Variants in LAMA3 observed in about 807,000 individuals in gnomAD.
LAMA3 encodes the protein laminin subunit alpha 3.
A neutral mutation model predicts 402.0 loss-of-function variants in LAMA3; 281 were observed. That is an observed-to-expected ratio of 0.70 (90% CI 0.63 to 0.77). The LOEUF is 0.77. Among genes scored for constraint, LAMA3 ranks in the 30% least tolerant of loss-of-function variants. The pLI is 0.00. For missense variants in LAMA3, 3,840 were observed against 4,215.5 expected (o/e 0.91, Z 2.47); for synonymous variants, 1,431 against 1,558.4 (o/e 0.92, Z 1.93).
At chr18:23,876,493 A>G (rs908112525) in intron 39 of LAMA3, 86 bp downstream of exon 39, 89 of 863,938 alleles carry the variant, frequency 1.0e-4, no homozygotes, top group Non-Finnish European at 1.6e-4. Context: ...CATCAACATT[A>G]CATCTCCCGC....
chr18:23,757,878 G>T (rs2061883609), intron 6 of LAMA3, among the ~76,000 whole-genome samples: 1 of 152,228 alleles, frequency 6.6e-6, no homozygotes, highest in Non-Finnish European at 1.5e-5. Context: ...GATGGAGCTG[G>T]CGCAGCCTCT....
chr18:23,949,966 G>C lies in LAMA3; in HGVS notation c.9511+42G>C, dbSNP rs199539396. On this transcript the variant is annotated intron_variant, in intron 71 of 74. Transcript: ENST00000313654. ...TAGAATTTAAGTCTTTGCATCTTAA[G>C]AACTGTATCCTGTTTTCTTTCATGG... The C allele has an allele frequency of 4.5e-5, 73 of 1,614,044 alleles. No individual in the cohort carries two copies. In the East Asian group the frequency reaches 1.6e-3, roughly 35 times the overall value.
At chr18:23,940,795 T>G (rs918516381) in intron 68 of LAMA3, among the ~76,000 whole-genome samples, 1 of 152,002 alleles carries the variant, frequency 6.6e-6, no homozygotes, top group East Asian at 1.9e-4. Context: ...AAAACTGTGC[T>G]AGTAGAAGCT....
At chr18:23,816,556 C>CTACAA (rs1204044975) in intron 18 of LAMA3, 69 bp downstream of exon 18, 10 of 1,277,060 alleles carry the variant, frequency 7.8e-6, no homozygotes, top group African/African-American at 2.9e-5. Flanking sequence ...CCTGCCTGTG[C>CTACAA]TACAGCTCTG....
chr18:23,892,160 A>G (rs2080692755), intron 42 of LAMA3, among the ~76,000 whole-genome samples: 1 of 152,222 alleles, frequency 6.6e-6, no homozygotes, highest in African/African-American at 2.4e-5. Context: ...AGATTGCTTT[A>G]AAAGGAGGCA....
At chr18:23,806,298 GCTGT>G (rs1284871208) in intron 12 of LAMA3, among the ~76,000 whole-genome samples, 1 of 152,206 alleles carries the variant, frequency 6.6e-6, no homozygotes, top group African/African-American at 2.4e-5. Context: ...TCCTCAAATT[GCTGT>G]CTGTCTGTTT....
At chr18:23,820,069 C>T in intron 19 of LAMA3, 72 bp downstream of exon 19, 1 of 1,442,802 alleles carries the variant, frequency 6.9e-7, no homozygotes, top group Non-Finnish European at 9.7e-7. Context: ...CTCAGGGAGC[C>T]CCCTGAAAGG....
At chr18:23,706,496 T>C (rs1380833394) in intron 1 of LAMA3, among the ~76,000 whole-genome samples, 2 of 152,232 alleles carry the variant, frequency 1.3e-5, no homozygotes, top group Admixed American at 6.5e-5. Flanking sequence ...ACTGAATACG[T>C]ATAAAATAAT....
intron 67 of LAMA3, among the ~76,000 whole-genome samples, chr18:23,934,443 G>T (rs1393395832): frequency 6.6e-6 from 1 of 152,146 alleles, no homozygotes; most frequent in African/African-American, 2.4e-5. Flanking sequence ...TCAGTAGTTT[G>T]TGAAGCTCCC....
chr18:23,704,901 T>A (rs1003967543), intron 1 of LAMA3, among the ~76,000 whole-genome samples: 4 of 152,200 alleles, frequency 2.6e-5, no homozygotes, highest in African/African-American at 9.7e-5. Context: ...TAGGAGAGAC[T>A]ACTTTTTTCC....
chr18:23,703,640 A>C (rs1232528823), intron 1 of LAMA3, among the ~76,000 whole-genome samples: 2 of 152,078 alleles, frequency 1.3e-5, no homozygotes, highest in Admixed American at 1.3e-4. Flanking sequence ...TTAAAGTATA[A>C]TAATAATTAA....
At chr18:23,855,000 AAAAT>A (rs145973649) in intron 32 of LAMA3, among the ~76,000 whole-genome samples, 70,242 of 151,374 alleles carry the variant, frequency 0.46, 18,563 homozygotes, top group Non-Finnish European at 0.61. Flanking sequence ...AAATAAATAA[AAAAT>A]AAAAAAATTT....
In LAMA3 at chr18:23,846,171, C is replaced by T. The variant is rs2063810751; in HGVS notation, c.3720-126C>T. On this transcript the variant is annotated intron_variant, in intron 30 of 74. Coordinates refer to ENST00000313654, the MANE Select transcript of LAMA3 (RefSeq NM_198129.4). ...GAGGTGGGGTATTTCCCACTCTTCC[C>T]TGACTCCAGAACCATGAGCCCGTCC... The T allele has an allele frequency of 6.1e-6, 6 of 985,976 alleles. No individual in the cohort carries two copies. In the Admixed American group the frequency reaches 8.5e-5, roughly 14 times the overall value. The allele number at this position is 985,976 out of a possible 1,614,324, so 61.1% of individuals were successfully genotyped here.
In LAMA3 at chr18:23,864,638, C is replaced by T. The variant is rs73967617; in HGVS notation, c.4585-147C>T. On this transcript the variant is annotated intron_variant, in intron 35 of 74. Coordinates refer to ENST00000313654, the MANE Select transcript of LAMA3 (RefSeq NM_198129.4). ...CATAAAGTAGAAAAAATACCATCCT[C>T]AACCCCACCTCCTAGATACAACCCT... The T allele has an allele frequency of 0.021, 14,473 of 679,656 alleles. 453 individuals carry two copies. The highest frequency in any genetic ancestry group is 0.094 in the African/African-American group (5,289 of 56,548). 42.1% of individuals were successfully genotyped at this position (679,656 alleles called of 1,614,324 possible).
At chr18:23,742,281 G>A (rs1203734975) in intron 2 of LAMA3, among the ~76,000 whole-genome samples, 1 of 152,208 alleles carries the variant, frequency 6.6e-6, no homozygotes, top group Non-Finnish European at 1.5e-5. Flanking sequence ...CAAAATGTCA[G>A]TGTCAGGAAG....
chr18:23,730,420 G>A (rs2061373951), intron 2 of LAMA3, among the ~76,000 whole-genome samples: 1 of 141,054 alleles, frequency 7.1e-6, no homozygotes, highest in Non-Finnish European at 1.5e-5. Flanking sequence ...CCAGGCTGGA[G>A]TGCAATGTGC....
intron 2 of LAMA3, among the ~76,000 whole-genome samples, chr18:23,747,168 C>T (rs371201767): frequency 1.3e-5 from 2 of 152,028 alleles, no homozygotes. Flanking sequence ...TGTTCAATGT[C>T]GTACCAGGCT....
intron 7 of LAMA3, among the ~76,000 whole-genome samples, chr18:23,760,129 T>C (rs1263477310): frequency 1.3e-5 from 2 of 152,200 alleles, no homozygotes; most frequent in African/African-American, 4.8e-5. Context: ...GTAAATAACA[T>C]GCTTCACTCC....
chr18:23,903,542 A>G (rs1015658614), intron 49 of LAMA3, among the ~76,000 whole-genome samples: 9 of 152,216 alleles, frequency 5.9e-5, no homozygotes, highest in African/African-American at 2.2e-4. Flanking sequence ...TTTAGGGTAC[A>G]TGTGCATAAC....
Sources: gnomAD v4.1 joint callset for allele counts (sites outside exome capture counted in the v4.1 genomes callset) on GRCh38, gnomAD v4.1.1 for gene constraint, MANE v1.5 for transcripts, NCBI Gene and HGNC (gene_info 2026-07-23, HGNC 2026-07-21) for gene names.